Variants in PPA2 observed in about 807,000 individuals in gnomAD.
PPA2 encodes the protein inorganic pyrophosphatase 2, also known as inorganic pyrophosphatase 2, mitochondrial.
A neutral mutation model predicts 49.5 loss-of-function variants in PPA2; 48 were observed. That is an observed-to-expected ratio of 0.97 (90% CI 0.77 to 1.23). The LOEUF is 1.23. Among genes scored for constraint, PPA2 ranks in the 50% most tolerant of loss-of-function variants. The pLI, the probability that PPA2 is intolerant of heterozygous loss-of-function variation, is 0.00. For synonymous variants in PPA2, 131 were observed against 139.9 expected (o/e 0.94, Z 0.45); for missense variants, 429 against 410.1 (o/e 1.05, Z -0.40).
intron 5 of PPA2, among the ~76,000 whole-genome samples, chr4:105,439,522 T>C (rs1229590247): frequency 6.6e-6 from 1 of 152,132 alleles, no homozygotes; most frequent in African/African-American, 2.4e-5. Context: ...AAAACATTTA[T>C]TGAGTACCTA....
At chr4:105,407,775 G>A (rs1722551617) in intron 7 of PPA2, among the ~76,000 whole-genome samples, 1 of 152,158 alleles carries the variant, frequency 6.6e-6, no homozygotes, top group Non-Finnish European at 1.5e-5. Flanking sequence ...TCCATTGATA[G>A]GTAATTCTAG....
At chr4:105,406,880 G>C (rs544057723) in intron 7 of PPA2, 1 of 152,092 alleles carries the variant, frequency 6.6e-6, no homozygotes, top group African/African-American at 2.4e-5. Context: ...AGCAATGGGG[G>C]CTGATAGAAA....
chr4:105,402,347 T>A (rs1327225250), intron 7 of PPA2, among the ~76,000 whole-genome samples: 1 of 152,146 alleles, frequency 6.6e-6, no homozygotes, highest in Non-Finnish European at 1.5e-5. Flanking sequence ...ATAGGCTGCT[T>A]TGCAAGTAAG....
chr4:105,403,553 TTCTC>T (rs1396649986), intron 7 of PPA2, among the ~76,000 whole-genome samples: 2 of 152,138 alleles, frequency 1.3e-5, no homozygotes, highest in African/African-American at 4.8e-5. Flanking sequence ...TATTGTAAAT[TTCTC>T]TCTAAAATTC....
intron 6 of PPA2, among the ~76,000 whole-genome samples, chr4:105,435,577 C>T (rs1477425626): frequency 6.6e-6 from 1 of 152,044 alleles, no homozygotes; most frequent in East Asian, 1.9e-4. Flanking sequence ...TTCTTGTGTC[C>T]TTTAAAAGCA....
intron 5 of PPA2, among the ~76,000 whole-genome samples, chr4:105,441,581 C>T (rs556401540): frequency 6.6e-6 from 1 of 151,914 alleles, no homozygotes; most frequent in African/African-American, 2.4e-5. Flanking sequence ...AGTATATATA[C>T]TATCTATAGA....
intron 7 of PPA2, among the ~76,000 whole-genome samples, chr4:105,400,375 G>A (rs999025137): frequency 2.6e-5 from 4 of 152,092 alleles, no homozygotes; most frequent in African/African-American, 4.8e-5. Context: ...GCCAGGTGTG[G>A]TGGCTCATGT....
intron 1 of PPA2, among the ~76,000 whole-genome samples, chr4:105,464,866 T>A (rs1241881396): frequency 1.3e-5 from 2 of 152,222 alleles, no homozygotes; most frequent in Non-Finnish European, 2.9e-5. Context: ...ATCAGCTGCA[T>A]GAAAACAAAC....
intron 7 of PPA2, 26 bp from the exon 8 acceptor site, chr4:105,399,190 T>C (rs142753426): frequency 1.3e-6 from 2 of 1,577,078 alleles, no homozygotes; most frequent in Non-Finnish European, 1.7e-6. Flanking sequence ...CAAAAAGATG[T>C]TTTGTTAAGA....
At chr4:105,444,190 C>T (rs994380235) in intron 5 of PPA2, among the ~76,000 whole-genome samples, 73 of 152,088 alleles carry the variant, frequency 4.8e-4, no homozygotes, top group Admixed American at 3.9e-4. Flanking sequence ...TTGGTGAAGG[C>T]CTGGTGAGGA....
chr4:105,466,487 G>A (rs139076906), intron 1 of PPA2, among the ~76,000 whole-genome samples: 41 of 152,234 alleles, frequency 2.7e-4, no homozygotes, highest in Admixed American at 7.2e-4. Context: ...TAATGGAAGC[G>A]TTACCAATGG....
intron 6 of PPA2, among the ~76,000 whole-genome samples, chr4:105,424,813 T>C (rs1158852633): frequency 1.3e-5 from 2 of 152,164 alleles, no homozygotes; most frequent in Non-Finnish European, 2.9e-5. Context: ...GGCATGGTAC[T>C]AGAAATAAGA....
At chr4:105,403,012 T>TTCTCTC (rs140739063) in intron 7 of PPA2, among the ~76,000 whole-genome samples, 13 of 149,720 alleles carry the variant, frequency 8.7e-5, no homozygotes, top group African/African-American at 2.9e-4. Flanking sequence ...CTTTCTTTCT[T>TTCTCTC]TCTCTCTCTC....
intron 2 of PPA2, among the ~76,000 whole-genome samples, chr4:105,455,756 G>C (rs1175172258): frequency 6.6e-6 from 1 of 152,024 alleles, no homozygotes; most frequent in African/African-American, 2.4e-5. Context: ...GTAACACCAG[G>C]GTCAAACAAC....
chr4:105,438,435 G>A (rs530582369), intron 5 of PPA2, among the ~76,000 whole-genome samples: 35 of 152,138 alleles, frequency 2.3e-4, no homozygotes, highest in Non-Finnish European at 4.6e-4. Context: ...CCTTTGACCC[G>A]GTAACAGCAC....
intron 5 of PPA2, among the ~76,000 whole-genome samples, chr4:105,442,411 G>T (rs535369603): frequency 6.6e-6 from 1 of 152,246 alleles, no homozygotes; most frequent in East Asian, 1.9e-4. Flanking sequence ...TAATAAGTAG[G>T]ACTATATATT....
intron 6 of PPA2, among the ~76,000 whole-genome samples, chr4:105,428,970 T>C (rs950281629): frequency 6.6e-6 from 1 of 152,216 alleles, no homozygotes; most frequent in Non-Finnish European, 1.5e-5. Context: ...TTTAAATTAA[T>C]ATCCCTGCTT....
At chr4:105,465,619 T>C (rs1447536370) in intron 1 of PPA2, among the ~76,000 whole-genome samples, 1 of 152,208 alleles carries the variant, frequency 6.6e-6, no homozygotes, top group Non-Finnish European at 1.5e-5. Flanking sequence ...ATGTCTTTAC[T>C]CTGTTCTCAC....
At chr4:105,458,243 G>A (rs1722945129) in intron 1 of PPA2, among the ~76,000 whole-genome samples, 2 of 152,168 alleles carry the variant, frequency 1.3e-5, no homozygotes, top group South Asian at 2.1e-4. Context: ...CTGGTATGCT[G>A]AACTAGATCC....
Sources: allele counts gnomAD v4.1 joint callset (sites outside exome capture counted in the v4.1 genomes callset), GRCh38; gene constraint gnomAD v4.1.1; transcripts MANE v1.5; gene names NCBI Gene and HGNC (gene_info 2026-07-23, HGNC 2026-07-21).